Variants in DSE observed in about 807,000 individuals in gnomAD.
DSE encodes dermatan sulfate epimerase, also known as dermatan-sulfate epimerase.
A neutral mutation model predicts 84.4 loss-of-function variants in DSE; 36 were observed. The observed-to-expected ratio is 0.43, with a 90% CI of 0.33 to 0.56. The LOEUF is 0.56. Among genes scored for constraint, DSE ranks in the 20% least tolerant of loss-of-function variants. The pLI is 0.06. For missense variants in DSE, 862 were observed against 1,169.6 expected (o/e 0.74, Z 3.84); for synonymous variants, 410 against 430.1 (o/e 0.95, Z 0.58).
chr6:116,384,650 ATTATAT>A (rs1310039556), intron 1 of DSE, among the ~76,000 whole-genome samples: 1 of 152,166 alleles, frequency 6.6e-6, no homozygotes, highest in Non-Finnish European at 1.5e-5. Context: ...TTTTAATGTA[ATTATAT>A]TTATGTAGCT....
chr6:116,354,913 T>C (rs1202065689), intron 2 of DSE, among the ~76,000 whole-genome samples: 1 of 152,212 alleles, frequency 6.6e-6, no homozygotes, highest in Admixed American at 6.6e-5. Context: ...ATTGGCTTTT[T>C]AATGAAATGT....
At chr6:116,428,016 C>G (rs1314111042) in intron 3 of DSE, among the ~76,000 whole-genome samples, 1 of 152,152 alleles carries the variant, frequency 6.6e-6, no homozygotes, top group African/African-American at 2.4e-5. Context: ...TGGGGAAATC[C>G]CGTCTCTACT....
intron 1 of DSE, among the ~76,000 whole-genome samples, chr6:116,376,456 A>G (rs928406068): frequency 4.6e-5 from 7 of 152,224 alleles, no homozygotes; most frequent in Admixed American, 6.5e-5. Flanking sequence ...AGAGATCACA[A>G]AGAAGAAGGG....
chr6:116,370,097 C>A, upstream of DSE: 1 of 507,842 alleles, frequency 2.0e-6, no homozygotes, highest in Non-Finnish European at 3.1e-6. Context: ...TGAGCAGTGG[C>A]TGATTTTTGG....
intron 2 of DSE, among the ~76,000 whole-genome samples, chr6:116,321,838 G>A (rs965146609): frequency 6.6e-6 from 1 of 152,124 alleles, no homozygotes; most frequent in Non-Finnish European, 1.5e-5. Context: ...CCCCTATACT[G>A]TGTCATAAGG....
chr6:116,409,022 A>T (rs1481633317), intron 2 of DSE, among the ~76,000 whole-genome samples: 1 of 152,166 alleles, frequency 6.6e-6, no homozygotes. Context: ...GAGCTGTGTG[A>T]CCTTGAGAAT....
intron 2 of DSE, among the ~76,000 whole-genome samples, chr6:116,284,847 C>T (rs997800441): frequency 6.6e-6 from 1 of 152,022 alleles, no homozygotes; most frequent in African/African-American, 2.4e-5. Context: ...AAGGACATGA[C>T]CTCATCCTTT....
chr6:116,347,820 TGCACA>T (rs1001559077), intron 2 of DSE, among the ~76,000 whole-genome samples: 6 of 152,202 alleles, frequency 3.9e-5, no homozygotes, highest in African/African-American at 1.4e-4. Context: ...AAAGAGCTTC[TGCACA>T]GCAAAAGAAA....
intron 1 of DSE, among the ~76,000 whole-genome samples, chr6:116,390,634 T>C (rs1194930877): frequency 6.6e-6 from 1 of 152,140 alleles, no homozygotes; most frequent in Non-Finnish European, 1.5e-5. Context: ...AAACCATCAT[T>C]AAGAAAATCA....
At chr6:116,319,776 C>T (rs548174553) in intron 2 of DSE, among the ~76,000 whole-genome samples, 23 of 152,234 alleles carry the variant, frequency 1.5e-4, no homozygotes, top group African/African-American at 5.3e-4. Flanking sequence ...CTTCCCTTTT[C>T]GCTTTCTTCA....
At chr6:116,342,874 T>A (rs1245479764) in intron 2 of DSE, among the ~76,000 whole-genome samples, 2 of 151,852 alleles carry the variant, frequency 1.3e-5, no homozygotes, top group African/African-American at 4.8e-5. Context: ...GCGCAAGGGG[T>A]CAGGGAATTC....
intron 2 of DSE, chr6:116,278,561 C>G (rs567205789): frequency 1.2e-6 from 2 of 1,614,144 alleles, no homozygotes; most frequent in Non-Finnish European, 1.7e-6. Flanking sequence ...TCTACAGGCT[C>G]CCTTAGCGGG....
intron 1 of DSE, among the ~76,000 whole-genome samples, chr6:116,396,738 G>T (rs76189369): frequency 0.053 from 8,132 of 152,180 alleles, 330 homozygotes; most frequent in Admixed American, 0.13. Context: ...AAGTGGCAGG[G>T]GTCACATTGT....
chr6:116,355,083 CTT>C (rs1441348284), intron 2 of DSE, among the ~76,000 whole-genome samples: 8 of 152,158 alleles, frequency 5.3e-5, no homozygotes, highest in African/African-American at 1.7e-4. Context: ...TTATTGGACA[CTT>C]GAGTTGTTTT....
In DSE at chr6:116,426,783, A is replaced by G. The variant is rs745305642; in HGVS notation, c.626A>G (p.Asn209Ser). The G allele has an allele frequency of 1.2e-6, 2 of 1,614,200 alleles. No homozygotes were observed. The highest frequency in any genetic ancestry group is 1.1e-5 in the South Asian group (1 of 91,078). The change falls in exon 3 of 6, where the codon AAC becomes AGC. Residue 209 changes from asparagine to serine, a missense_variant. Asn to Ser is a conservative substitution (Grantham distance 46, BLOSUM62 1). Transcript: ENST00000644252. ...TACCTGCACAATCATCAGCCCACCA[A>G]CTGTATGGCTTTGCTCACGGGAAGC... ...FQYLHNHQPT[N>S]CMALLTGSLV...
chr6:116,274,378 A>G (rs1304950123), intron 2 of DSE, among the ~76,000 whole-genome samples: 1 of 151,950 alleles, frequency 6.6e-6, no homozygotes, highest in Non-Finnish European at 1.5e-5. Context: ...CGTGACCAAC[A>G]TGGAGAAACC....
At position 116,436,883 on chromosome 6, in the gene DSE, G is replaced by C. The variant is rs1784194271; in HGVS notation, c.2415G>C (p.Lys805Asn). The C allele has an allele frequency of 1.6e-5, 26 of 1,614,112 alleles. No homozygotes were observed. Among genetic ancestry groups the C allele is most frequent in the Non-Finnish European group, 2.2e-5 (26 of 1,180,002 alleles). Residue 805 changes from lysine (K) to asparagine (N), a missense_variant, in exon 6 of 6, where the codon AAG becomes AAC. Lys to Asn is a moderately conservative substitution (Grantham distance 94, BLOSUM62 0). Transcript: ENST00000644252. Reference protein sequence around the residue: ...AISQQQQQQSKSKKNRRAGKR... With the variant: ...AISQQQQQQSNSKKNRRAGKR... Reference sequence around the variant, plus strand: ...CACAGCAACAGCAGCAGCAAAGCAAGTCAAAGAAAAACCGAAGGGCAGGCA... The same window carrying C: ...CACAGCAACAGCAGCAGCAAAGCAACTCAAAGAAAAACCGAAGGGCAGGCA...
At chr6:116,405,859 A>G (rs56186138) in intron 2 of DSE, among the ~76,000 whole-genome samples, 2,361 of 152,282 alleles carry the variant, frequency 0.016, 55 homozygotes, top group African/African-American at 0.054. Context: ...CAGCCCAGTT[A>G]CAGTGCCATT....
chr6:116,370,023 AGGTGAT>A, upstream of DSE: 3 of 1,155,024 alleles, frequency 2.6e-6, no homozygotes, highest in Non-Finnish European at 3.5e-6. Flanking sequence ...AGTATTCCTG[AGGTGAT>A]GGCCCTGATC....
Sources: allele counts gnomAD v4.1 joint callset (sites outside exome capture counted in the v4.1 genomes callset), GRCh38; gene constraint gnomAD v4.1.1; transcripts MANE v1.5; gene names NCBI Gene and HGNC (gene_info 2026-07-23, HGNC 2026-07-21).